Variants in CAMTA2 observed in about 807,000 individuals in gnomAD.
CAMTA2 encodes calmodulin binding transcription activator 2.
A neutral mutation model predicts 135.7 loss-of-function variants in CAMTA2; 56 were observed. That is an observed-to-expected ratio of 0.41 (90% CI 0.33 to 0.52). The LOEUF (loss-of-function observed/expected upper bound fraction) is 0.52. CAMTA2 is among the 20% of genes least tolerant of loss of function. The pLI is 0.16. For synonymous variants in CAMTA2, 591 were observed against 604.6 expected, an observed-to-expected ratio of 0.98 and a Z score of 0.33; for missense variants, 1,358 against 1,553.4, an observed-to-expected ratio of 0.87 and a Z score of 2.11.
chr17:4,977,293 C>T lies in CAMTA2; in HGVS notation c.1766-101G>A. ...AATTATTCCATAGTTATTTCCCCTA[C>T]TGCCCTGCTGTGGGCCAAGAGGCCC... is the stretch of plus-strand genomic sequence containing the variant. On this transcript the variant is annotated intron_variant, in intron 10 of 22. Transcript: ENST00000348066. 4 of 1,444,128 alleles carry T rather than the reference C, an allele frequency of 2.8e-6. 1 individual carries two copies. Among genetic ancestry groups the T allele is most frequent in the South Asian group, 2.6e-5 (2 of 75,608 alleles). The allele number at this position is 1,444,128 out of a possible 1,614,324, so 89.5% of individuals were successfully genotyped here.
At chr17:4,972,577 G>A (rs965739857) in intron 15 of CAMTA2, 41 bp from the exon 16 acceptor site, 29 of 1,576,760 alleles carry the variant, frequency 1.8e-5, no homozygotes, top group South Asian at 2.3e-5. Flanking sequence ...CCGGAGCCAC[G>A]GCCATCCCTC....
intron 3 of CAMTA2, among the ~76,000 whole-genome samples, chr17:4,985,115 G>A (rs1035332273): frequency 6.6e-6 from 1 of 152,130 alleles, no homozygotes; most frequent in Admixed American, 6.5e-5. Flanking sequence ...GAATCCAGGA[G>A]GCGGGGGTTG....
At chr17:4,978,896 A>C (rs565176739) in intron 9 of CAMTA2, among the ~76,000 whole-genome samples, 2 of 152,296 alleles carry the variant, frequency 1.3e-5, no homozygotes, top group Non-Finnish European at 2.9e-5. Flanking sequence ...CAGAGCTGTC[A>C]CCAGAAGGAA....
chr17:4,986,085 C>G, intron 2 of CAMTA2, 102 bp from the exon 3 acceptor site: 1 of 1,122,382 alleles, frequency 8.9e-7, no homozygotes, highest in Non-Finnish European at 1.4e-6. Flanking sequence ...CTGGGGAAAA[C>G]TGAAACCTCA....
chr17:4,981,635 T>C (rs201799742), intron 7 of CAMTA2, 43 bp downstream of exon 7: 1 of 1,541,014 alleles, frequency 6.5e-7, no homozygotes, highest in Admixed American at 2.1e-5. Context: ...GAGCCCTGTT[T>C]CTACTCTCCC....
At chr17:4,984,371 T>A (rs1973141013) in intron 3 of CAMTA2, among the ~76,000 whole-genome samples, 1 of 152,254 alleles carries the variant, frequency 6.6e-6, no homozygotes. Context: ...CATTGATTCC[T>A]TCCTGAACAT....
Position 4,969,561 on chromosome 17 carries a change from C to T in CAMTA2, c.3262-41G>A, listed in dbSNP as rs1972132110. On this transcript the variant is annotated intron_variant, in intron 19 of 22. Coordinates refer to ENST00000348066, the MANE Select transcript of CAMTA2 (RefSeq NM_015099.4). This position sits in a 1 kb window ranked among gnomAD's most constrained non-coding sequence, Gnocchi z 5.6. Reference sequence around the variant, plus strand: ...GGGGAGTTAGGGCTCTGGCAACATTCTGGAATGGTTAGGCGTGGGTGTGGG... The same window carrying T: ...GGGGAGTTAGGGCTCTGGCAACATTTTGGAATGGTTAGGCGTGGGTGTGGG... 1 of 1,613,988 alleles carries T rather than the reference C, an allele frequency of 6.2e-7. No homozygotes were observed. The highest frequency in any genetic ancestry group is 8.5e-7 in the Non-Finnish European group (1 of 1,179,996).
intron 16 of CAMTA2, 80 bp from the exon 17 acceptor site, chr17:4,970,616 C>T (rs1451307654): frequency 1.7e-6 from 2 of 1,181,494 alleles, no homozygotes; most frequent in Non-Finnish European, 1.2e-6. Flanking sequence ...TATCTTGTTC[C>T]TTCTCTCCCT....
At position 4,980,356 on chromosome 17, in the gene CAMTA2, G is replaced by A. The variant is rs1972882389; in HGVS notation, c.966C>T (p.Gly322=). The change falls in exon 9 of 23, where the codon GGC becomes GGT. Residue 322 remains glycine (G), a synonymous_variant. Coordinates refer to ENST00000348066, the MANE Select transcript of CAMTA2 (RefSeq NM_015099.4). The surrounding 1 kb of genome is among the most constrained non-coding windows in gnomAD (Gnocchi z 5.3). ...GTCCTGTCAGGAGGAGGATAGCAGTGCCTCCTCTTGAAGAACCCCCTCGAG... is the reference window on the plus strand; with the variant it reads ...GTCCTGTCAGGAGGAGGATAGCAGTACCTCCTCTTGAAGAACCCCCTCGAG... ...PTSRGGSSRG[G]TAILLLTGLE... The A allele has an allele frequency of 6.2e-7, 1 of 1,614,096 alleles. No homozygotes were observed. Among genetic ancestry groups the A allele is most frequent in the Non-Finnish European group, 8.5e-7 (1 of 1,179,956 alleles).
At chr17:4,978,393 G>T in intron 10 of CAMTA2, 111 bp downstream of exon 10, 1 of 1,183,404 alleles carries the variant, frequency 8.5e-7, no homozygotes, top group Non-Finnish European at 1.2e-6. Context: ...AAGTCCTTGT[G>T]CTCTCAAAAC....
Position 4,980,557 on chromosome 17 carries a change from C to T in CAMTA2, c.765G>A (p.Glu255=). 1 of 1,613,918 alleles carries T rather than the reference C, an allele frequency of 6.2e-7. No individual in the cohort carries two copies. The highest frequency in any genetic ancestry group is 8.5e-7 in the Non-Finnish European group (1 of 1,179,952). The change falls in exon 9 of 23, where the codon GAG becomes GAA. Residue 255 remains glutamate (E), a synonymous_variant. Transcript: ENST00000348066. This position sits in a 1 kb window ranked among gnomAD's most constrained non-coding sequence, Gnocchi z 5.3. ...TAGAGGTCAGGGTTAAAGCTCGGGG[C>T]TCCACTTTGGGAGAGATGATGCGGT... is the stretch of plus-strand genomic sequence containing the variant. ...TKHRIISPKV[E]PRALTLTSIP... is the part of the protein sequence containing the mutation.
At chr17:4,973,996 C>G in intron 12 of CAMTA2, 1 of 569,768 alleles carries the variant, frequency 1.8e-6, no homozygotes, top group African/African-American at 1.9e-5. Flanking sequence ...TGTGCCTTCC[C>G]ATCAGCTCAG....
Position 4,968,890 on chromosome 17 carries a change from G to A in CAMTA2, c.3545+17C>T. On this transcript the variant is annotated intron_variant, in intron 22 of 22. Transcript: ENST00000348066. The stretch of plus-strand genomic sequence containing the variant: ...CGGGTGGCAACGCAAAAGCCCAGGG[G>A]GAGAAGGGATGAGTACCTGTGTCGG... 3 of 1,613,860 alleles carry A rather than the reference G, an allele frequency of 1.9e-6. No homozygotes were observed. Among genetic ancestry groups the A allele is most frequent in the Non-Finnish European group, 2.5e-6 (3 of 1,179,722 alleles).
rs1359170282 is a variant in CAMTA2 at position 4,969,546 on chromosome 17, G to A, written c.3262-26C>T. On this transcript the variant is annotated intron_variant, in intron 19 of 22. Transcript: ENST00000348066. This position sits in a 1 kb window ranked among gnomAD's most constrained non-coding sequence, Gnocchi z 5.6. ...CTTGTGGAGAGAGAAGGGGAGTTAG[G>A]GCTCTGGCAACATTCTGGAATGGTT... 3.1e-6 allele frequency: 5 copies of A among 1,614,118 alleles called. No individual in the cohort carries two copies. The highest frequency in any genetic ancestry group is 4.2e-6 in the Non-Finnish European group (5 of 1,180,002).
At position 4,985,962 on chromosome 17, in the gene CAMTA2, A is replaced by G. The variant is rs1362226951; in HGVS notation, c.53T>C (p.Ile18Thr). The G allele has an allele frequency of 1.2e-6, 2 of 1,613,778 alleles. No homozygotes were observed. The highest frequency in any genetic ancestry group is 1.7e-6 in the Non-Finnish European group (2 of 1,179,680). ...CTCCAGCAGCTTCTTGGGGAGAAAG[A>G]TCTTCAGGTGGTGGCTGTTTTCTAA... Reference protein sequence around the residue: ...EVAENSHHLKIFLPKKLLECL... With the variant: ...EVAENSHHLKTFLPKKLLECL... Residue 18 changes from isoleucine to threonine, a missense_variant, in exon 3 of 23, where the codon ATC becomes ACC. Ile to Thr is a moderately conservative substitution (Grantham distance 89). Around this residue, in one of 4 missense-constraint regions of CAMTA2, gnomAD observed 105 missense variants for 190.9 expected, o/e 0.55. Coordinates refer to ENST00000348066, the MANE Select transcript of CAMTA2 (RefSeq NM_015099.4).
At position 4,987,610 on chromosome 17, in the gene CAMTA2, G is replaced by T. The variant is rs1404957960; in HGVS notation, c.-82C>A. 6.5e-7 allele frequency: 1 copy of T among 1,527,970 alleles called. No homozygotes were observed. The highest frequency in any genetic ancestry group is 1.4e-5 in the African/African-American group (1 of 71,842). 94.7% of individuals were successfully genotyped at this position (1,527,970 alleles called of 1,614,324 possible). A position where few individuals can be genotyped will look rare whatever the true frequency, so the allele number is the denominator to read the frequency against. On this transcript the variant is annotated 5_prime_UTR_variant, in exon 1 of 23. Coordinates refer to ENST00000348066, the MANE Select transcript of CAMTA2 (RefSeq NM_015099.4). ...GCTCTTACCTCCCGGGGTCCCGCGG[G>T]TGACGGCGGCAGCGGCCATTCTACC...
chr17:4,986,029 T>C, intron 2 of CAMTA2, 46 bp from the exon 3 acceptor site: 3 of 1,400,670 alleles, frequency 2.1e-6, no homozygotes, highest in Non-Finnish European at 3.0e-6. Context: ...CCCTGGGGCA[T>C]CCCTGTGATA....
chr17:4,968,449 A>G lies in CAMTA2; in HGVS notation c.*307T>C, dbSNP rs1049001571. 2.9e-5 allele frequency: 15 copies of G among 517,872 alleles called. No homozygotes were observed. The Admixed American group carries it at 4.7e-4, about 16-fold the overall frequency. 32.1% of individuals were successfully genotyped at this position (517,872 alleles called of 1,614,324 possible). A position where few individuals can be genotyped will look rare whatever the true frequency, so the allele number is the denominator to read the frequency against. On this transcript the variant is annotated 3_prime_UTR_variant, in exon 23 of 23. Transcript: ENST00000348066. ...AATAAGGCAAGTCAGGAGGGGGCCGAGTCGGGTGCAGGCAGGAGGAGCTGG... is the reference window on the plus strand; with the variant it reads ...AATAAGGCAAGTCAGGAGGGGGCCGGGTCGGGTGCAGGCAGGAGGAGCTGG...
chr17:4,969,315 G>C lies in CAMTA2; in HGVS notation c.3305C>G (p.Thr1102Ser), dbSNP rs1972110343. The part of the protein sequence containing the change: ...ALKFALYKKM[T>S]QAAILIQSKF... ...GCTCTGGATCAGGATGGCCGCCTGG[G>C]TCATCTTCTTATAGAGTGCAAACTG... Residue 1102 changes from threonine (T) to serine (S), a missense_variant, in exon 21 of 23, where the codon ACC becomes AGC. Thr to Ser is a moderately conservative substitution (Grantham distance 58). Around this residue, in one of 4 missense-constraint regions of CAMTA2, gnomAD observed 167 missense variants for 207.0 expected, o/e 0.81. Coordinates refer to ENST00000348066, the MANE Select transcript of CAMTA2 (RefSeq NM_015099.4). This position sits in a 1 kb window ranked among gnomAD's most constrained non-coding sequence, Gnocchi z 5.6. 6.2e-7 allele frequency: 1 copy of C among 1,614,000 alleles called. No homozygotes were observed. The highest frequency in any genetic ancestry group is 8.5e-7 in the Non-Finnish European group (1 of 1,179,988).
Sources: gnomAD v4.1 joint callset for allele counts (sites outside exome capture counted in the v4.1 genomes callset) on GRCh38, gnomAD v4.1.1 for gene constraint, gnomAD v4.1.1 regional missense constraint, Gnocchi (gnomAD v3.1) non-coding constraint, MANE v1.5 for transcripts, NCBI Gene and HGNC (gene_info 2026-07-23, HGNC 2026-07-21) for gene names.